The following GID4 variants were observed in gnomAD, a reference collection of about 807,000 sequenced individuals.
GID4 encodes the protein glucose-induced degradation protein 4 homolog.
Under a neutral mutation model 32.4 loss-of-function variants are expected in GID4, and 7 were observed. The ratio of observed to expected loss-of-function variants is 0.22; its 90% confidence interval spans 0.12 to 0.41. The LOEUF is 0.41. Among genes scored for constraint, GID4 ranks in the 10% least tolerant of loss-of-function variants. The pLI, the probability that GID4 is intolerant of heterozygous loss-of-function variation, is 1.00. For missense variants in GID4, 309 were observed against 400.0 expected, an observed-to-expected ratio of 0.77 and a Z score of 1.94; for synonymous variants, 166 against 170.0, an observed-to-expected ratio of 0.98 and a Z score of 0.18.
intron 2 of GID4, among the ~76,000 whole-genome samples, chr17:18,053,009 C>T (rs1479814379): frequency 6.6e-4 from 55 of 83,258 alleles, no homozygotes; most frequent in South Asian, 1.4e-3. Context: ...AAAGTATTTA[C>T]TTTTTTTTTT....
rs991817015 is a variant in GID4 at position 18,062,079 on chromosome 17, A to G, written c.839+104A>G. On this transcript the variant is annotated intron_variant, in intron 5 of 5. Coordinates refer to ENST00000268719, the MANE Select transcript of GID4 (RefSeq NM_024052.5). ...GCAACATCTTAGCCTGTCTCTGTAT[A>G]GATTCTGTGCTTTATTTGGATGCTG... is the stretch of plus-strand genomic sequence containing the variant. The G allele has an allele frequency of 1.5e-5, 17 of 1,118,270 alleles. No individual in the cohort carries two copies. The African/African-American group carries it at 2.2e-4, about 14-fold the overall frequency. The allele number at this position is 1,118,270 out of a possible 1,614,324, so 69.3% of individuals were successfully genotyped here. A position where few individuals can be genotyped will look rare whatever the true frequency, so the allele number is the denominator to read the frequency against.
chr17:18,057,386 C>A, intron 3 of GID4: 1 of 201,600 alleles, frequency 5.0e-6, no homozygotes, highest in Non-Finnish European at 1.0e-5. Context: ...GAGCTGAGAT[C>A]ATGCCATTGC....
chr17:18,052,600 A>C (rs576998731), intron 2 of GID4, among the ~76,000 whole-genome samples: 2 of 152,338 alleles, frequency 1.3e-5, no homozygotes, highest in Admixed American at 1.3e-4. Flanking sequence ...GGGCTTGGCA[A>C]GGTAGCCTGA....
chr17:18,047,759 G>C (rs1029975354), intron 2 of GID4, among the ~76,000 whole-genome samples: 1 of 152,186 alleles, frequency 6.6e-6, no homozygotes. Flanking sequence ...GTCCTGCTCA[G>C]GCCTTAGATG....
intron 3 of GID4, chr17:18,056,828 A>AC (rs756696317): frequency 1.3e-4 from 208 of 1,550,474 alleles, no homozygotes; most frequent in Non-Finnish European, 1.7e-4. Flanking sequence ...AGGGAGCTGA[A>AC]CCTATGGAGT....
At chr17:18,053,991 C>A (rs1034010162) in intron 2 of GID4, 136 bp from the exon 3 acceptor site, 4 of 500,318 alleles carry the variant, frequency 8.0e-6, no homozygotes, top group Admixed American at 3.7e-5. Flanking sequence ...TGGCTGCGAT[C>A]TAACTCTGGT....
At chr17:18,046,469 A>C (rs749075091) in intron 2 of GID4, among the ~76,000 whole-genome samples, 2 of 152,002 alleles carry the variant, frequency 1.3e-5, no homozygotes, top group Non-Finnish European at 2.9e-5. Flanking sequence ...TTAGCCAGGC[A>C]TGGTGTTGTG....
rs1418980469 is a variant in GID4 at position 18,045,899 on chromosome 17, AAAAAAAAG to A, written c.498+697_498+704del. On this transcript the variant is annotated intron_variant, in intron 2 of 5. Coordinates refer to ENST00000268719, the MANE Select transcript of GID4 (RefSeq NM_024052.5). ...AGAGCAAGACCCTGTCTCAAAAAAA[AAAAAAAAG>A]AAAGAAAAAAAAGGGGAAGTGACCA... Among the ~76,000 whole-genome samples the A allele has an allele frequency of 5.0e-3, 755 of 152,094 alleles. 9 individuals carry two copies. The highest frequency in any genetic ancestry group is 0.017 in the African/African-American group (696 of 41,472).
intron 2 of GID4, among the ~76,000 whole-genome samples, chr17:18,052,078 C>G (rs915224326): frequency 9.0e-6 from 1 of 110,882 alleles, no homozygotes; most frequent in Non-Finnish European, 2.1e-5. Context: ...TGTCCCTCCC[C>G]CCAAAAAAAA....
In GID4 at chr17:18,054,110, T is replaced by C; in HGVS notation, c.499-17T>C. 1 of 1,346,134 alleles carries C rather than the reference T, an allele frequency of 7.4e-7. No homozygotes were observed. The allele number at this position is 1,346,134 out of a possible 1,614,324, so 83.4% of individuals were successfully genotyped here. On this transcript the variant is annotated splice_polypyrimidine_tract_variant and intron_variant, in intron 2 of 5. Coordinates refer to ENST00000268719, the MANE Select transcript of GID4 (RefSeq NM_024052.5). ...CTCACTCAACATCTTATTTTGATAT[T>C]TGGGTTTTTACCATAGGAGTATCCA...
intron 2 of GID4, among the ~76,000 whole-genome samples, chr17:18,051,770 A>C (rs2044911932): frequency 6.6e-6 from 1 of 151,048 alleles, no homozygotes; most frequent in African/African-American, 2.4e-5. Context: ...AGAACAGATT[A>C]TAATTAAAAG....
At chr17:18,042,881 A>G (rs1241117545) in intron 1 of GID4, among the ~76,000 whole-genome samples, 4 of 152,098 alleles carry the variant, frequency 2.6e-5, no homozygotes, top group Non-Finnish European at 4.4e-5. Flanking sequence ...GAATTTCTAT[A>G]ATGACTGTGC....
At chr17:18,064,815 C>G (rs1320772160) in intron 5 of GID4, among the ~76,000 whole-genome samples, 2 of 152,084 alleles carry the variant, frequency 1.3e-5, no homozygotes, top group African/African-American at 4.8e-5. Context: ...ATATGAGAGC[C>G]TGGCATTACA....
rs1406400332 is a variant in GID4 at position 18,061,617 on chromosome 17, GAC to G, written c.709-224_709-223del. ...GAATTGCTGATCCTAGTGAGCTCAA[GAC>G]ACAGTTTGTCACTTTAGTATATAGA... On this transcript the variant is annotated intron_variant, in intron 4 of 5. Transcript: ENST00000268719. The surrounding 1 kb of genome is among the most constrained non-coding windows in gnomAD (Gnocchi z 4.4). Among the ~76,000 whole-genome samples the G allele has an allele frequency of 6.6e-6, 1 of 152,162 alleles. No individual in the cohort carries two copies. Among genetic ancestry groups the G allele is most frequent in the Non-Finnish European group, 1.5e-5 (1 of 68,042 alleles).
chr17:18,060,871 T>A (rs561832267), intron 4 of GID4, among the ~76,000 whole-genome samples: 1 of 152,232 alleles, frequency 6.6e-6, no homozygotes, highest in South Asian at 2.1e-4. Flanking sequence ...GTAGCTGGGA[T>A]TACAGGTGCC....
rs115979081 is a variant in GID4, at chr17:18,044,283, G to A, written c.439-864G>A. 4.5e-3 allele frequency among the ~76,000 whole-genome samples: 691 copies of A among 152,310 alleles called. 6 individuals carry two copies. Among genetic ancestry groups the A allele is most frequent in the African/African-American group, 0.016 (668 of 41,572 alleles). ...GACTTGCAAGGGGATAGGGACACCTGTGTGCCTTAGATCCATCAGGTTGAC... is the reference window on the plus strand; with the variant it reads ...GACTTGCAAGGGGATAGGGACACCTATGTGCCTTAGATCCATCAGGTTGAC... On this transcript the variant is annotated intron_variant, in intron 1 of 5. Coordinates refer to ENST00000268719, the MANE Select transcript of GID4 (RefSeq NM_024052.5).
At chr17:18,051,998 C>T (rs139803790) in intron 2 of GID4, among the ~76,000 whole-genome samples, 2,325 of 150,952 alleles carry the variant, frequency 0.015, 68 homozygotes, top group African/African-American at 0.053. Flanking sequence ...CACCTGAACC[C>T]GGGAGGCAGA....
intron 2 of GID4, among the ~76,000 whole-genome samples, chr17:18,046,637 T>A (rs920460885): frequency 6.8e-5 from 10 of 147,826 alleles, no homozygotes; most frequent in Non-Finnish European, 1.0e-4. Flanking sequence ...AAAAAAAAAT[T>A]GGGGTCGGGC....
chr17:18,057,067 G>A lies in GID4; in HGVS notation c.607-1801G>A. 3.3e-6 allele frequency: 5 copies of A among 1,528,530 alleles called. No homozygotes were observed. The South Asian group carries it at 6.2e-5, about 19-fold the overall frequency. The allele number at this position is 1,528,530 out of a possible 1,614,324, so 94.7% of individuals were successfully genotyped here. A position where few individuals can be genotyped will look rare whatever the true frequency, so the allele number is the denominator to read the frequency against. ...ATTGCATCCTCAGATTTTCCTGAGT[G>A]GTATTTAAGTTGCTATTATAGTGGT... On this transcript the variant is annotated intron_variant, in intron 3 of 5. Coordinates refer to ENST00000268719, the MANE Select transcript of GID4 (RefSeq NM_024052.5).
Sources: gnomAD v4.1 joint callset for allele counts (sites outside exome capture counted in the v4.1 genomes callset) on GRCh38, gnomAD v4.1.1 for gene constraint, Gnocchi (gnomAD v3.1) non-coding constraint, MANE v1.5 for transcripts, NCBI Gene and HGNC (gene_info 2026-07-23, HGNC 2026-07-21) for gene names.